NCOA1: variants seen among roughly 807,000 people sequenced by gnomAD.
The protein encoded by NCOA1 is nuclear receptor coactivator 1.
Under a neutral mutation model 150.9 loss-of-function variants are expected in NCOA1, and 35 were observed. That is an observed-to-expected ratio of 0.23 (90% CI 0.18 to 0.31). The LOEUF is 0.31. Ranked by LOEUF, NCOA1 falls within the 10% of genes least tolerant of loss-of-function variation. The probability of loss-of-function intolerance (pLI) is 1.00; values close to 1 mark genes in which losing one functional copy is unlikely to be tolerated. For missense variants in NCOA1, 1,491 were observed against 1,749.3 expected, an observed-to-expected ratio of 0.85 and a Z score of 2.63; for synonymous variants, 590 against 630.0, an observed-to-expected ratio of 0.94 and a Z score of 0.95.
At chr2:24,737,855 T>A (rs1663402922) in intron 17 of NCOA1, among the ~76,000 whole-genome samples, 1 of 152,192 alleles carries the variant, frequency 6.6e-6, no homozygotes. Context: ...CCTCCAAACT[T>A]TATACAGTAT....
chr2:24,560,347 T>C (rs1425291757), intron 1 of NCOA1, among the ~76,000 whole-genome samples: 3 of 152,108 alleles, frequency 2.0e-5, no homozygotes, highest in Non-Finnish European at 4.4e-5. Flanking sequence ...AGGAATAAAA[T>C]GTACTTGGAA....
intron 3 of NCOA1, among the ~76,000 whole-genome samples, chr2:24,613,180 G>T (rs1312011476): frequency 6.6e-6 from 1 of 151,946 alleles, no homozygotes; most frequent in Non-Finnish European, 1.5e-5. Flanking sequence ...TATAGCCTAT[G>T]TACTTCTTTG....
chr2:24,581,012 C>T (rs888887254), intron 2 of NCOA1, among the ~76,000 whole-genome samples: 2 of 152,178 alleles, frequency 1.3e-5, no homozygotes, highest in African/African-American at 4.8e-5. Context: ...TCTACTTTGC[C>T]TCTCTTGACA....
intron 17 of NCOA1, among the ~76,000 whole-genome samples, chr2:24,731,494 CATA>C (rs966060304): frequency 2.6e-5 from 4 of 151,712 alleles, no homozygotes; most frequent in Admixed American, 6.6e-5. Context: ...ATTCAATAAA[CATA>C]ATATGTAATA....
chr2:24,616,611 G>C (rs1168589425), intron 3 of NCOA1, among the ~76,000 whole-genome samples: 1 of 152,176 alleles, frequency 6.6e-6, no homozygotes, highest in Non-Finnish European at 1.5e-5. Context: ...CAGCAGTTCT[G>C]CATGTTTTGG....
intron 5 of NCOA1, among the ~76,000 whole-genome samples, chr2:24,660,600 G>T (rs1261698598): frequency 1.3e-5 from 2 of 151,860 alleles, no homozygotes; most frequent in African/African-American, 4.8e-5. Flanking sequence ...GATATATTCA[G>T]TCCCATTAAC....
chr2:24,569,048 A>G (rs1230165027), intron 2 of NCOA1, among the ~76,000 whole-genome samples: 2 of 151,168 alleles, frequency 1.3e-5, no homozygotes, highest in African/African-American at 4.9e-5. Flanking sequence ...CTTGCTTTTT[A>G]AGTAAAAGAA....
At chr2:24,622,535 A>G (rs1156660855) in intron 3 of NCOA1, among the ~76,000 whole-genome samples, 1 of 152,226 alleles carries the variant, frequency 6.6e-6, no homozygotes, top group African/African-American at 2.4e-5. Context: ...TAGATTGTGC[A>G]TTGTAATTAT....
At chr2:24,524,714 T>G (rs907189463) in intron 1 of NCOA1, among the ~76,000 whole-genome samples, 1 of 148,094 alleles carries the variant, frequency 6.8e-6, no homozygotes, top group Non-Finnish European at 1.5e-5. Context: ...TTCAAGTAAT[T>G]CTCCTGCCTC....
intron 21 of NCOA1, among the ~76,000 whole-genome samples, chr2:24,762,399 G>A (rs531333431): frequency 6.6e-6 from 1 of 152,272 alleles, no homozygotes; most frequent in South Asian, 2.1e-4. Context: ...ATAGAGAAAA[G>A]TGTACAACTC....
At chr2:24,751,587 G>GAAA (rs146081421) in intron 19 of NCOA1, among the ~76,000 whole-genome samples, 1 of 138,162 alleles carries the variant, frequency 7.2e-6, no homozygotes, top group African/African-American at 2.7e-5. Context: ...CATCTCGGGG[G>GAAA]AAAAAAAAAA....
At position 24,707,545 on chromosome 2, in the gene NCOA1, G is replaced by A. The variant is rs867793247; in HGVS notation, c.2075G>A (p.Arg692Gln). 2.5e-6 allele frequency: 4 copies of A among 1,613,974 alleles called. No homozygotes were observed. Among genetic ancestry groups the A allele is most frequent in the African/African-American group, 1.3e-5 (1 of 74,872 alleles). ...ACAGAACGGCATAAAATTCTACACC[G>A]GCTCTTACAGGAGGGTAGCCCCTCA... ...SLTERHKILH[R>Q]LLQEGSPSDI... Residue 692 changes from arginine to glutamine, a missense_variant, in exon 13 of 23, where the codon CGG becomes CAG. Arg to Gln is a conservative substitution (Grantham distance 43). Coordinates refer to ENST00000348332, the MANE Select transcript of NCOA1 (RefSeq NM_003743.5).
chr2:24,707,956 T>G, intron 13 of NCOA1, 68 bp downstream of exon 13: 1 of 1,489,520 alleles, frequency 6.7e-7, no homozygotes, highest in Non-Finnish European at 9.0e-7. Flanking sequence ...TTCTATTCCA[T>G]CTGTAGACCA....
intron 1 of NCOA1, among the ~76,000 whole-genome samples, chr2:24,556,233 G>C (rs751621666): frequency 6.6e-6 from 1 of 152,194 alleles, no homozygotes; most frequent in Non-Finnish European, 1.5e-5. Flanking sequence ...CCAATTACAA[G>C]TGAGAACATG....
intron 2 of NCOA1, among the ~76,000 whole-genome samples, chr2:24,579,580 C>T (rs1393054125): frequency 1.3e-5 from 2 of 152,134 alleles, no homozygotes; most frequent in African/African-American, 4.8e-5. Context: ...CGAAGACAGT[C>T]ACAGAGAAGT....
intron 6 of NCOA1, among the ~76,000 whole-genome samples, chr2:24,668,196 C>G (rs1671517510): frequency 6.6e-6 from 1 of 151,894 alleles, no homozygotes. Context: ...TTCAGGAAGT[C>G]TAACATATGA....
chr2:24,741,212 A>G (rs924178694), intron 18 of NCOA1, among the ~76,000 whole-genome samples: 12 of 152,258 alleles, frequency 7.9e-5, no homozygotes, highest in African/African-American at 2.9e-4. Flanking sequence ...TGGTAAATAT[A>G]GAAAAGTATA....
intron 11 of NCOA1, among the ~76,000 whole-genome samples, chr2:24,701,797 G>A (rs12618641): frequency 0.23 from 35,345 of 152,182 alleles, 4,275 homozygotes; most frequent in Non-Finnish European, 0.27. Context: ...GATCGCTTGA[G>A]CACAGGAATT....
intron 1 of NCOA1, among the ~76,000 whole-genome samples, chr2:24,558,671 C>T (rs907821737): frequency 1.3e-5 from 2 of 152,146 alleles, no homozygotes; most frequent in African/African-American, 2.4e-5. Context: ...AAGCGAAACA[C>T]CGAAGCATCA....
Sources: allele counts gnomAD v4.1 joint callset (sites outside exome capture counted in the v4.1 genomes callset), GRCh38; gene constraint gnomAD v4.1.1; transcripts MANE v1.5; gene names NCBI Gene and HGNC (gene_info 2026-07-23, HGNC 2026-07-21).